IQSEC3: variants seen among roughly 807,000 people sequenced by gnomAD.
IQSEC3 encodes IQ motif and SEC7 domain-containing protein 3.
IQSEC3 carries 50 observed loss-of-function variants against 105.4 expected under a neutral mutation model. That is an observed-to-expected ratio of 0.47 (90% CI 0.38 to 0.60). The LOEUF (loss-of-function observed/expected upper bound fraction) is 0.60. IQSEC3 is among the 20% of genes least tolerant of loss of function. The probability of loss-of-function intolerance (pLI) is 0.00; values close to 1 mark genes in which losing one functional copy is unlikely to be tolerated. For missense variants in IQSEC3, 1,415 were observed against 1,630.0 expected (o/e 0.87, Z 2.27); for synonymous variants, 708 against 746.0 (o/e 0.95, Z 0.83).
intron 11 of IQSEC3, chr12:167,746 A>G (rs1253101275): frequency 2.6e-5 from 4 of 152,196 alleles, no homozygotes; most frequent in Admixed American, 6.5e-5. Context: ...AGTATCAGCT[A>G]CCATTTATTG....
chr12:167,496 T>C (rs1315289617), intron 11 of IQSEC3: 1 of 150,968 alleles, frequency 6.6e-6, no homozygotes, highest in Non-Finnish European at 1.5e-5. Context: ...TGGCCCTTAG[T>C]CTTCACTGGA....
chr12:166,983 G>A (rs1565450593), intron 11 of IQSEC3: 1 of 152,358 alleles, frequency 6.6e-6, no homozygotes, highest in South Asian at 2.1e-4. Flanking sequence ...TTCCACTGGA[G>A]AGTGAGAGAA....
At chr12:134,897 G>A (rs1865710720) in intron 3 of IQSEC3, among the ~76,000 whole-genome samples, 1 of 152,074 alleles carries the variant, frequency 6.6e-6, no homozygotes, top group Admixed American at 6.5e-5. Context: ...AGGCCAAGGT[G>A]GGCGGATCAC....
At chr12:122,068 C>G (rs1010715885) in intron 2 of IQSEC3, among the ~76,000 whole-genome samples, 2 of 152,174 alleles carry the variant, frequency 1.3e-5, no homozygotes, top group African/African-American at 4.8e-5. Flanking sequence ...ACACGGTCTT[C>G]TAGGTAAGTC....
chr12:126,759 T>C (rs1385979676), intron 3 of IQSEC3, among the ~76,000 whole-genome samples: 6 of 152,166 alleles, frequency 3.9e-5, no homozygotes, highest in Admixed American at 6.5e-5. Context: ...TTGAATCACC[T>C]CCAAGGTCCC....
At chr12:75,648 C>T (rs1467351186) in intron 1 of IQSEC3, among the ~76,000 whole-genome samples, 2 of 152,232 alleles carry the variant, frequency 1.3e-5, no homozygotes, top group Non-Finnish European at 2.9e-5. Flanking sequence ...AGGTTGGTGT[C>T]GCACGAGCCT....
At chr12:127,129 A>G (rs1348975509) in intron 3 of IQSEC3, among the ~76,000 whole-genome samples, 1 of 152,248 alleles carries the variant, frequency 6.6e-6, no homozygotes, top group Non-Finnish European at 1.5e-5. Flanking sequence ...TAAGGCACCA[A>G]TTTGAGGCAT....
In IQSEC3 at chr12:72,104, C is replaced by G. The variant is rs543543419; in HGVS notation, c.554+4668C>G. ...CTCCTCCTTACCAGCCTCCAGCTCC[C>G]TCTTTCCTCACTCCCAATCTCTCCC... On this transcript the variant is annotated intron_variant, in intron 1 of 13. Coordinates refer to ENST00000538872, the MANE Select transcript of IQSEC3 (RefSeq NM_001170738.2). 2.6e-5 allele frequency among the ~76,000 whole-genome samples: 4 copies of G among 152,388 alleles called. No individual in the cohort carries two copies. The South Asian group carries it at 8.3e-4, about 32-fold the overall frequency.
At chr12:93,380 C>A (rs1240532292) in intron 1 of IQSEC3, among the ~76,000 whole-genome samples, 1 of 152,194 alleles carries the variant, frequency 6.6e-6, no homozygotes. Flanking sequence ...CTGGCAACAA[C>A]CTCAGGTTGG....
At chr12:145,203 A>G (rs1191091727) in intron 5 of IQSEC3, among the ~76,000 whole-genome samples, 2 of 152,260 alleles carry the variant, frequency 1.3e-5, no homozygotes, top group Non-Finnish European at 2.9e-5. Flanking sequence ...TACCTGTCTC[A>G]TATGAATCAA....
At chr12:72,920 C>T (rs1863376512) in intron 1 of IQSEC3, among the ~76,000 whole-genome samples, 1 of 130,360 alleles carries the variant, frequency 7.7e-6, no homozygotes, top group African/African-American at 2.9e-5. Context: ...GTGGCGGGCG[C>T]CTGTAGTCCC....
Position 71,271 on chromosome 12 carries a change from T to G in IQSEC3, c.554+3835T>G, listed in dbSNP as rs1256592680. 3.3e-5 allele frequency among the ~76,000 whole-genome samples: 5 copies of G among 152,406 alleles called. No individual in the cohort carries two copies. In the East Asian group the frequency reaches 9.6e-4, roughly 29 times the overall value. On this transcript the variant is annotated intron_variant, in intron 1 of 13. Transcript: ENST00000538872. ...CTCATGACTGGCCCATCCTGGAAAC[T>G]ATTAAGAAAGAAAGTGTGAAGGTCT...
intron 1 of IQSEC3, among the ~76,000 whole-genome samples, chr12:71,588 G>A (rs1272066739): frequency 6.6e-6 from 1 of 152,266 alleles, no homozygotes; most frequent in Non-Finnish European, 1.5e-5. Context: ...GCTGGAAAGG[G>A]AACAGAAAGC....
At chr12:90,153 A>C (rs571023218) in intron 1 of IQSEC3, among the ~76,000 whole-genome samples, 1 of 152,182 alleles carries the variant, frequency 6.6e-6, no homozygotes, top group Non-Finnish European at 1.5e-5. Context: ...TTAATTGGCA[A>C]TTCCCTAATG....
chr12:138,880 C>T lies in IQSEC3; in HGVS notation c.1517C>T (p.Ser506Leu). The change falls in exon 4 of 14, where the codon TCG (serine) becomes TTG (leucine). Residue 506 changes from serine to leucine, a missense_variant. Coordinates refer to ENST00000538872, the MANE Select transcript of IQSEC3 (RefSeq NM_001170738.2). The surrounding 1 kb of genome is among the most constrained non-coding windows in gnomAD (Gnocchi z 7.1). ...TCCGTCTCCTCCTCCACGGCTCTGT[C>T]GGTGGCCAACTGCCTGGGCGCTCAG... Reference protein sequence around the residue: ...NISVSSSTALSVANCLGAQTV... With the variant: ...NISVSSSTALLVANCLGAQTV... 2 of 1,611,380 alleles carry T rather than the reference C, an allele frequency of 1.2e-6. No homozygotes were observed. Among genetic ancestry groups the T allele is most frequent in the Non-Finnish European group, 1.7e-6 (2 of 1,179,090 alleles).
intron 1 of IQSEC3, among the ~76,000 whole-genome samples, chr12:95,690 A>AT (rs1456281639): frequency 6.6e-6 from 1 of 152,122 alleles, no homozygotes; most frequent in Non-Finnish European, 1.5e-5. Flanking sequence ...GAGAGGAGTC[A>AT]TTTTTTGTTT....
chr12:176,834 GAGC>G lies in IQSEC3; in HGVS notation c.*1804_*1806del, dbSNP rs1281813035. ...GCTCCAGTCATTGCCTTTCAGAGTG[GAGC>G]AGATGACAGATGGGGTGCACGCATT... On this transcript the variant is annotated 3_prime_UTR_variant, in exon 14 of 14. Transcript: ENST00000538872. This position sits in a 1 kb window ranked among gnomAD's most constrained non-coding sequence, Gnocchi z 4.0. The G allele has an allele frequency of 6.6e-6, 1 of 152,292 alleles. No individual in the cohort carries two copies. The highest frequency in any genetic ancestry group is 2.4e-5 in the African/African-American group (1 of 41,432). 9.4% of individuals were successfully genotyped at this position (152,292 alleles called of 1,614,324 possible). A position where few individuals can be genotyped will look rare whatever the true frequency, so the allele number is the denominator to read the frequency against.
chr12:130,747 G>A (rs1245638239), intron 3 of IQSEC3, among the ~76,000 whole-genome samples: 1 of 152,242 alleles, frequency 6.6e-6, no homozygotes, highest in Non-Finnish European at 1.5e-5. Flanking sequence ...ACACAGAGCA[G>A]GCATGAGTCC....
chr12:84,080 C>T (rs1268052341), intron 1 of IQSEC3, among the ~76,000 whole-genome samples: 1 of 152,218 alleles, frequency 6.6e-6, no homozygotes, highest in East Asian at 1.9e-4. Flanking sequence ...GCTGTCCTCA[C>T]TGTAAGAGGA....
Sources: gnomAD v4.1 joint callset for allele counts (sites outside exome capture counted in the v4.1 genomes callset) on GRCh38, gnomAD v4.1.1 for gene constraint, Gnocchi (gnomAD v3.1) non-coding constraint, MANE v1.5 for transcripts, NCBI Gene and HGNC (gene_info 2026-07-23, HGNC 2026-07-21) for gene names.